The following P2RX1 variants were observed in gnomAD, a reference collection of about 807,000 sequenced individuals.
P2RX1 encodes P2X purinoceptor 1.
In P2RX1, 42 loss-of-function variants were observed where a neutral mutation model predicts 50.3. The ratio of observed to expected loss-of-function variants is 0.83; its 90% CI spans 0.65 to 1.08. P2RX1 has a LOEUF of 1.08. Ranked by LOEUF, P2RX1 falls within the 50% of genes least tolerant of loss-of-function variation. P2RX1 has a pLI of 0.00. For missense variants in P2RX1, 449 were observed against 529.0 expected (o/e 0.85, Z 1.48); for synonymous variants, 199 against 202.6 (o/e 0.98, Z 0.15).
At chr17:3,904,272 AG>A (rs2056214929) in intron 4 of P2RX1, 57 bp downstream of exon 4, 1 of 1,516,180 alleles carries the variant, frequency 6.6e-7, no homozygotes, top group Non-Finnish European at 9.1e-7. Flanking sequence ...CTGGGCCTGC[AG>A]GACGTCAGGG....
chr17:3,904,776 C>T lies in P2RX1; in HGVS notation c.357+82G>A, dbSNP rs940639128. 3.2e-5 allele frequency: 36 copies of T among 1,120,600 alleles called. No individual in the cohort carries two copies. In the African/African-American group the frequency reaches 5.5e-4, roughly 17 times the overall value. The allele number at this position is 1,120,600 out of a possible 1,614,324, so 69.4% of individuals were successfully genotyped here. On this transcript the variant is annotated intron_variant, in intron 3 of 11. Transcript: ENST00000225538. Reference sequence around the variant, plus strand: ...CTGCAGGAAGCCTCTCTGGCTTCCCCTCCAGTGCCCCTGGAGACTTTCTCT... The same window carrying T: ...CTGCAGGAAGCCTCTCTGGCTTCCCTTCCAGTGCCCCTGGAGACTTTCTCT...
chr17:3,911,022 C>T (rs2056353290), intron 1 of P2RX1, among the ~76,000 whole-genome samples: 1 of 152,094 alleles, frequency 6.6e-6, no homozygotes, highest in South Asian at 2.1e-4. Context: ...TCACTCTGTC[C>T]TCCAGGCTGG....
At position 3,914,280 on chromosome 17, in the gene P2RX1, C is replaced by T. The variant is rs77440567; in HGVS notation, c.137+1809G>A. Among the ~76,000 whole-genome samples, 5 of 152,206 alleles carry T rather than the reference C, an allele frequency of 3.3e-5. No homozygotes were observed. In the East Asian group the frequency reaches 9.6e-4, roughly 29 times the overall value. On this transcript the variant is annotated intron_variant, in intron 1 of 11. Coordinates refer to ENST00000225538, the MANE Select transcript of P2RX1 (RefSeq NM_002558.4). This position sits in a 1 kb window ranked among gnomAD's most constrained non-coding sequence, Gnocchi z 4.1. ...CTAATCCCTGTGGTCCTGAGCCCCA[C>T]AGACACCGAGAAGGGCCACATCCAT...
At chr17:3,897,900 T>A in intron 11 of P2RX1, 21 bp from the exon 12 acceptor site, 1 of 1,613,678 alleles carries the variant, frequency 6.2e-7, no homozygotes. Flanking sequence ...GGTGCAAGGG[T>A]TGGGGGATAC....
At chr17:3,899,797 C>T (rs574297945) in intron 7 of P2RX1, 36 bp from the exon 8 acceptor site, 1 of 1,610,432 alleles carries the variant, frequency 6.2e-7, no homozygotes, top group Non-Finnish European at 8.5e-7. Flanking sequence ...TCTGGGATTT[C>T]AGGATCAAAA....
chr17:3,912,524 T>G (rs552004802), intron 1 of P2RX1, among the ~76,000 whole-genome samples: 1 of 152,194 alleles, frequency 6.6e-6, no homozygotes, highest in Admixed American at 6.5e-5. Context: ...AGAGATGGGT[T>G]TTCACCATGT....
intron 1 of P2RX1, among the ~76,000 whole-genome samples, chr17:3,908,326 C>G (rs2056304248): frequency 6.6e-6 from 1 of 152,106 alleles, no homozygotes; most frequent in Admixed American, 6.6e-5. Flanking sequence ...TTTGGGAGGC[C>G]AAGGCAGGTG....
In P2RX1 at chr17:3,896,654, G is replaced by A. The variant is rs2056026886; in HGVS notation, c.*1160C>T. ...TTCCCCCAGACCTTCTGTTCAGACA[G>A]AGCCAGGCAGGCCTTGGGAGCTGGG... On this transcript the variant is annotated 3_prime_UTR_variant, in exon 12 of 12. Coordinates refer to ENST00000225538, the MANE Select transcript of P2RX1 (RefSeq NM_002558.4). 1 of 152,306 alleles carries A rather than the reference G, an allele frequency of 6.6e-6. No individual in the cohort carries two copies. The highest frequency in any genetic ancestry group is 1.5e-5 in the Non-Finnish European group (1 of 68,094). 9.4% of individuals were successfully genotyped at this position (152,306 alleles called of 1,614,324 possible).
At chr17:3,910,886 A>T (rs1340978724) in intron 1 of P2RX1, among the ~76,000 whole-genome samples, 6 of 152,226 alleles carry the variant, frequency 3.9e-5, no homozygotes, top group Non-Finnish European at 8.8e-5. Context: ...CTTGGCACAT[A>T]ATAGGAACTC....
At position 3,899,590 on chromosome 17, in the gene P2RX1, C is replaced by T. The variant is rs778127939; in HGVS notation, c.875+44G>A. 3.7e-6 allele frequency: 6 copies of T among 1,608,878 alleles called. No individual in the cohort carries two copies. In the East Asian group the frequency reaches 9.0e-5, roughly 24 times the overall value. On this transcript the variant is annotated intron_variant, in intron 8 of 11. Transcript: ENST00000225538. ...AGTGTTCTGGGAGTAGAAAAGCCCG[C>T]AGGACCACAAGGAAGAATGTGCTGC...
Position 3,914,608 on chromosome 17 carries a change from AC to A in P2RX1, c.137+1480del, listed in dbSNP as rs2097782149. Among the ~76,000 whole-genome samples the A allele has an allele frequency of 4.6e-5, 7 of 152,068 alleles. No homozygotes were observed. Among genetic ancestry groups the A allele is most frequent in the Non-Finnish European group, 8.8e-5 (6 of 68,002 alleles). On this transcript the variant is annotated intron_variant, in intron 1 of 11. Coordinates refer to ENST00000225538, the MANE Select transcript of P2RX1 (RefSeq NM_002558.4). The surrounding 1 kb of genome is among the most constrained non-coding windows in gnomAD (Gnocchi z 4.1). ...CCTGCGCAGACAGCCTCTCCCAGGG[AC>A]GGTCAGGAGTGATACTAAGGGTGGA...
At chr17:3,904,271 C>T in intron 4 of P2RX1, 59 bp downstream of exon 4, 1 of 1,517,408 alleles carries the variant, frequency 6.6e-7, no homozygotes, top group Non-Finnish European at 9.1e-7. Flanking sequence ...GCTGGGCCTG[C>T]AGGACGTCAG....
In P2RX1 at chr17:3,901,052, A is replaced by AAG. The variant is rs1244251270; in HGVS notation, c.748-1293_748-1292dup. Among the ~76,000 whole-genome samples, 4 of 152,142 alleles carry AAG rather than the reference A, an allele frequency of 2.6e-5. No homozygotes were observed. The East Asian group carries it at 7.7e-4, about 29-fold the overall frequency. On this transcript the variant is annotated intron_variant, in intron 7 of 11. Coordinates refer to ENST00000225538, the MANE Select transcript of P2RX1 (RefSeq NM_002558.4). ...CTAGTTACTGAGAAGTTCCCAGTTGAAGATGGCAGGGAGATTTTTTTTTTC... is the reference window on the plus strand; with the variant it reads ...CTAGTTACTGAGAAGTTCCCAGTTGAAGAGATGGCAGGGAGATTTTTTTTTTC...
Position 3,905,204 on chromosome 17 carries a change from A to C in P2RX1, c.285+16T>G, listed in dbSNP as rs12449599. ...CAGGCCCTGTGAGGGGAAGGTGCAA[A>C]CCTGAGCCAGCTCACCTGGGCTGGG... On this transcript the variant is annotated intron_variant, in intron 2 of 11. Transcript: ENST00000225538. 0.32 allele frequency: 521,722 copies of C among 1,609,928 alleles called. 87,723 individuals are homozygous for C. The highest frequency in any genetic ancestry group is 0.58 in the East Asian group (25,968 of 44,782).
At chr17:3,905,510 TCC>T in intron 1 of P2RX1, 143 bp from the exon 2 acceptor site, 1 of 852,004 alleles carries the variant, frequency 1.2e-6, no homozygotes, top group Non-Finnish European at 1.8e-6. Context: ...CAGGACAGCC[TCC>T]CCTGCCTCCC....
In P2RX1 at chr17:3,903,662, TC is replaced by T. The variant is rs781280635; in HGVS notation, c.525-32del. 6.9e-6 allele frequency: 11 copies of T among 1,605,250 alleles called. No homozygotes were observed. The African/African-American group carries it at 9.4e-5, about 14-fold the overall frequency. On this transcript the variant is annotated intron_variant, in intron 5 of 11. Coordinates refer to ENST00000225538, the MANE Select transcript of P2RX1 (RefSeq NM_002558.4). The surrounding 1 kb of genome is among the most constrained non-coding windows in gnomAD (Gnocchi z 4.6). ...GGACACCACACGCACTCACCGCCCC[TC>T]CCCAGGAGGCCCCCTGTGTGTCCCA... is the stretch of plus-strand genomic sequence containing the variant.
rs545093523 is a variant in P2RX1, at chr17:3,901,258, G to A, written c.748-1497C>T. ...AATTTTTTATATTTTTAGTAGAGAC[G>A]GGGTTTCACCGTGTTAGCCAGGATG... is the stretch of plus-strand genomic sequence containing the variant. On this transcript the variant is annotated intron_variant, in intron 7 of 11. Transcript: ENST00000225538. Among the ~76,000 whole-genome samples the A allele has an allele frequency of 1.6e-3, 236 of 152,220 alleles. 2 individuals carry two copies. Among genetic ancestry groups the A allele is most frequent in the Non-Finnish European group, 1.3e-3 (86 of 68,018 alleles).
intron 1 of P2RX1, among the ~76,000 whole-genome samples, chr17:3,908,353 G>A (rs1251598729): frequency 6.6e-6 from 1 of 152,132 alleles, no homozygotes; most frequent in African/African-American, 2.4e-5. Flanking sequence ...CTGAGGTCAG[G>A]AGTTCAAGAC....
Position 3,904,018 on chromosome 17 carries a change from C to T in P2RX1, c.434G>A (p.Arg145His), listed in dbSNP as rs747273574. ...GKAKRKAQGI[R>H]TGKCVAFNDT... ...GTTGAAGGCCACACACTTGCCCGTG[C>T]GGATGCCTGGAGCCAGAGGGAAACC... Residue 145 changes from arginine to histidine, a missense_variant, in exon 5 of 12, where the codon CGC becomes CAC. Transcript: ENST00000225538. The T allele has an allele frequency of 8.7e-6, 14 of 1,613,622 alleles. No homozygotes were observed. Among genetic ancestry groups the T allele is most frequent in the African/African-American group, 1.3e-5 (1 of 74,890 alleles).
Sources: gnomAD v4.1 joint callset for allele counts (sites outside exome capture counted in the v4.1 genomes callset) on GRCh38, gnomAD v4.1.1 for gene constraint, Gnocchi (gnomAD v3.1) non-coding constraint, MANE v1.5 for transcripts, NCBI Gene and HGNC (gene_info 2026-07-23, HGNC 2026-07-21) for gene names.